C11orf65: variants seen among roughly 807,000 people sequenced by gnomAD.
C11orf65 encodes the protein chromosome 11 open reading frame 65.
Under a neutral mutation model 35.3 loss-of-function variants are expected in C11orf65, and 38 were observed. The observed-to-expected ratio is 1.08, with a 90% CI of 0.83 to 1.41. The LOEUF (loss-of-function observed/expected upper bound fraction) is 1.41. C11orf65 is among the 40% of genes most tolerant of loss of function. The probability of loss-of-function intolerance (pLI) is 0.00; values close to 1 mark genes in which losing one functional copy is unlikely to be tolerated. For synonymous variants in C11orf65, 105 were observed against 114.4 expected, an observed-to-expected ratio of 0.92 and a Z score of 0.53; for missense variants, 370 against 367.1, an observed-to-expected ratio of 1.01 and a Z score of -0.06.
At chr11:108,361,911 C>T (rs1282319688) in intron 2 of C11orf65, among the ~76,000 whole-genome samples, 1 of 148,172 alleles carries the variant, frequency 6.7e-6, no homozygotes, top group Non-Finnish European at 1.5e-5. Context: ...GTCCAAAACA[C>T]CAAAAGCAAT....
At chr11:108,327,295 G>A, downstream of C11orf65, 1 of 285,384 alleles carries the variant, frequency 3.5e-6, no homozygotes, top group Non-Finnish European at 6.8e-6. Context: ...TTGTACCTCA[G>A]TTTTCTAATC....
chr11:108,372,754 T>C (rs1333259795), intron 2 of C11orf65, among the ~76,000 whole-genome samples: 2 of 152,146 alleles, frequency 1.3e-5, no homozygotes, highest in South Asian at 4.1e-4. Flanking sequence ...GAATAACCCA[T>C]TTTATGAAGC....
At chr11:108,322,252 T>G (rs2085290269) in intron 6 of C11orf65, among the ~76,000 whole-genome samples, 1 of 152,154 alleles carries the variant, frequency 6.6e-6, no homozygotes. Context: ...CCTCCCAGGT[T>G]CAAGCGATTC....
Position 108,317,411 on chromosome 11 carries a change from C to G in C11orf65, c.641-8340G>C, listed in dbSNP as rs1446399368. On this transcript the variant is annotated intron_variant, in intron 6 of 6. Transcript: ENST00000525729. The stretch of plus-strand genomic sequence containing the variant: ...TGGGACTCTGCCATATTCTTTCCGT[C>G]TATTTAAAAGGATTGGATTATGAAA... The G allele has an allele frequency of 4.3e-6, 7 of 1,611,944 alleles. No individual in the cohort carries two copies. Among genetic ancestry groups the G allele is most frequent in the Non-Finnish European group, 5.9e-6 (7 of 1,179,028 alleles).
chr11:108,403,957 T>C (rs1248240722), intron 6 of C11orf65, among the ~76,000 whole-genome samples: 2 of 152,200 alleles, frequency 1.3e-5, no homozygotes, highest in African/African-American at 4.8e-5. Context: ...TTCTTCTCTG[T>C]TGAGATTGTT....
At chr11:108,333,303 G>A (rs1436735247) in intron 3 of C11orf65, among the ~76,000 whole-genome samples, 1 of 152,082 alleles carries the variant, frequency 6.6e-6, no homozygotes, top group Non-Finnish European at 1.5e-5. Flanking sequence ...TTCCATAGGT[G>A]CTAAAATGCC....
Position 108,412,063 on chromosome 11 carries a change from C to G in C11orf65, c.175-4914G>C, listed in dbSNP as rs564170096. On this transcript the variant is annotated intron_variant, in intron 3 of 8. Coordinates refer to ENST00000393084, the MANE Select transcript of C11orf65 (RefSeq NM_152587.5). ...AGTGTTGGGATTACAGGTGTGAGCA[C>G]CATGCCTGGTCTGACTTTCTTTTAA... Among the ~76,000 whole-genome samples the G allele has an allele frequency of 1.1e-4, 17 of 152,192 alleles. No individual in the cohort carries two copies. The East Asian group carries it at 3.3e-3, about 29-fold the overall frequency.
intron 3 of C11orf65, among the ~76,000 whole-genome samples, chr11:108,423,369 C>G (rs1037846452): frequency 6.6e-6 from 1 of 152,146 alleles, no homozygotes; most frequent in East Asian, 1.9e-4. Flanking sequence ...AGTCTGAAAT[C>G]GACCTGGGAC....
Position 108,396,829 on chromosome 11 carries a change from G to A in C11orf65, c.561-3451C>T, listed in dbSNP as rs940685138. On this transcript the variant is annotated intron_variant, in intron 6 of 8. Coordinates refer to ENST00000393084, the MANE Select transcript of C11orf65 (RefSeq NM_152587.5). Reference sequence around the variant, plus strand: ...AGCCTGGGCAACAGAGCAAGACTCCGTCTTAAAATAAATAAATAAATAAAT... The same window carrying A: ...AGCCTGGGCAACAGAGCAAGACTCCATCTTAAAATAAATAAATAAATAAAT... 2.2e-4 allele frequency among the ~76,000 whole-genome samples: 21 copies of A among 97,294 alleles called. No individual in the cohort carries two copies. In the East Asian group the frequency reaches 5.1e-3, roughly 24 times the overall value. The allele number at this position is 97,294 out of a possible 152,430, so 63.8% of individuals were successfully genotyped here.
downstream of C11orf65, among the ~76,000 whole-genome samples, chr11:108,378,030 C>G (rs2091773827): frequency 2.7e-5 from 4 of 150,298 alleles, no homozygotes; most frequent in South Asian, 8.6e-4. Context: ...TAGGAAGAAT[C>G]AATATCGTGA....
At chr11:108,366,942 G>A (rs2137987772) in intron 2 of C11orf65, 1 of 219,814 alleles carries the variant, frequency 4.5e-6, no homozygotes, top group African/African-American at 2.2e-5. Flanking sequence ...AATTGTTCCA[G>A]GACAGCTACA....
At chr11:108,387,267 G>A (rs1416644989) in intron 7 of C11orf65, among the ~76,000 whole-genome samples, 1 of 142,590 alleles carries the variant, frequency 7.0e-6, no homozygotes. Flanking sequence ...AGATTCTCCT[G>A]CCTCAGCCTC....
At chr11:108,409,451 A>G (rs991473408) in intron 3 of C11orf65, among the ~76,000 whole-genome samples, 1 of 152,148 alleles carries the variant, frequency 6.6e-6, no homozygotes, top group African/African-American at 2.4e-5. Flanking sequence ...TACAATTTTG[A>G]CTACAATGGT....
chr11:108,400,761 C>A (rs1164633034), intron 6 of C11orf65, among the ~76,000 whole-genome samples: 2 of 152,156 alleles, frequency 1.3e-5, no homozygotes, highest in Admixed American at 6.5e-5. Context: ...GCTTTCCCCA[C>A]TGTCATCTCC....
At chr11:108,421,317 G>C (rs2092812715) in intron 3 of C11orf65, among the ~76,000 whole-genome samples, 1 of 152,128 alleles carries the variant, frequency 6.6e-6, no homozygotes, top group Non-Finnish European at 1.5e-5. Context: ...GTGAAATAAA[G>C]GGAAACTCTG....
In C11orf65 at chr11:108,325,408, T is replaced by G; in HGVS notation, c.641-16337A>C. On this transcript the variant is annotated intron_variant, in intron 6 of 6. Coordinates refer to the C11orf65 transcript ENST00000525729. ...GATTTTAGTTTTCAGGAGCCTATCA[T>G]GGCTCTACGCACAGTCATTTTGGAG... 1 of 1,613,858 alleles carries G rather than the reference T, an allele frequency of 6.2e-7. No individual in the cohort carries two copies. The highest frequency in any genetic ancestry group is 8.5e-7 in the Non-Finnish European group (1 of 1,179,852).
intron 2 of C11orf65, among the ~76,000 whole-genome samples, chr11:108,447,007 A>C (rs956024162): frequency 6.6e-6 from 1 of 152,196 alleles, no homozygotes; most frequent in African/African-American, 2.4e-5. Flanking sequence ...AACAGACTTT[A>C]AACCAACAAA....
rs556423153 is a variant in C11orf65 at position 108,402,615 on chromosome 11, AT to A, written c.560+2813del. 3.6e-4 allele frequency among the ~76,000 whole-genome samples: 54 copies of A among 151,822 alleles called. No individual in the cohort carries two copies. The South Asian group carries it at 3.8e-3, about 11-fold the overall frequency. Reference sequence around the variant, plus strand: ...ATGGTTGATGTACAATAAACTACACATATTTAAATTGTACAATGTACAGTTT... The same window carrying A: ...ATGGTTGATGTACAATAAACTACACAATTTAAATTGTACAATGTACAGTTT... On this transcript the variant is annotated intron_variant, in intron 6 of 8. Coordinates refer to ENST00000393084, the MANE Select transcript of C11orf65 (RefSeq NM_152587.5).
chr11:108,427,881 A>G (rs1218656108), intron 3 of C11orf65, among the ~76,000 whole-genome samples: 1 of 85,632 alleles, frequency 1.2e-5, no homozygotes, highest in Non-Finnish European at 2.0e-5. Flanking sequence ...CCCAGGCTGG[A>G]GTGCAGTGGC....
Sources: gnomAD v4.1 joint callset for allele counts (sites outside exome capture counted in the v4.1 genomes callset) on GRCh38, gnomAD v4.1.1 for gene constraint, MANE v1.5 for transcripts, NCBI Gene and HGNC (gene_info 2026-07-23, HGNC 2026-07-21) for gene names.